ARMC3: variants seen among roughly 807,000 people sequenced by gnomAD.
ARMC3 encodes the protein armadillo repeat-containing protein 3.
Under a neutral mutation model 90.3 loss-of-function variants are expected in ARMC3, and 74 were observed. The ratio of observed to expected loss-of-function variants is 0.82; its 90% CI spans 0.68 to 0.99. ARMC3 has a LOEUF of 0.99. Ranked by LOEUF, ARMC3 falls within the 50% of genes least tolerant of loss-of-function variation. The probability of loss-of-function intolerance (pLI) is 0.00; values close to 1 mark genes in which losing one functional copy is unlikely to be tolerated. For missense variants in ARMC3, 958 were observed against 1,042.8 expected (o/e 0.92, Z 1.12); for synonymous variants, 334 against 361.8 (o/e 0.92, Z 0.87).
chr10:22,976,502 C>A (rs1028062982), intron 8 of ARMC3, among the ~76,000 whole-genome samples: 1 of 152,170 alleles, frequency 6.6e-6, no homozygotes, highest in African/African-American at 2.4e-5. Context: ...CCATCGTTTT[C>A]AAAACACCCC....
intron 16 of ARMC3, among the ~76,000 whole-genome samples, chr10:23,020,201 T>A (rs917628919): frequency 7.2e-5 from 11 of 152,196 alleles, no homozygotes; most frequent in Non-Finnish European, 1.3e-4. Context: ...TGATCTTGGC[T>A]CACTGCAACC....
chr10:22,937,478 G>A (rs1348155171), intron 2 of ARMC3, among the ~76,000 whole-genome samples: 2 of 152,118 alleles, frequency 1.3e-5, no homozygotes, highest in Non-Finnish European at 1.5e-5. Context: ...GTGGGTTGGT[G>A]GAGAAGATGG....
intron 16 of ARMC3, among the ~76,000 whole-genome samples, chr10:23,030,082 A>G (rs1838861415): frequency 1.3e-5 from 2 of 152,128 alleles, no homozygotes; most frequent in African/African-American, 4.8e-5. Context: ...CCAATATATG[A>G]TTTTCATAAT....
intron 16 of ARMC3, among the ~76,000 whole-genome samples, chr10:23,012,270 G>A (rs1038672780): frequency 1.3e-5 from 2 of 152,108 alleles, no homozygotes; most frequent in African/African-American, 2.4e-5. Flanking sequence ...CCATAACTGT[G>A]AAACACTCAC....
chr10:22,952,220 AAAC>A (rs1249737899), intron 3 of ARMC3, among the ~76,000 whole-genome samples: 1 of 152,194 alleles, frequency 6.6e-6, no homozygotes, highest in Non-Finnish European at 1.5e-5. Context: ...ATGAAATAGA[AAAC>A]AAAAAAATTG....
intron 16 of ARMC3, among the ~76,000 whole-genome samples, chr10:23,016,380 G>A (rs1838273564): frequency 6.6e-6 from 1 of 152,180 alleles, no homozygotes; most frequent in Admixed American, 6.6e-5. Flanking sequence ...TTTAGAGCCA[G>A]CCAAATATTC....
chr10:23,009,081 T>C, intron 16 of ARMC3, 150 bp downstream of exon 16: 1 of 666,554 alleles, frequency 1.5e-6, no homozygotes, highest in African/African-American at 1.8e-5. Flanking sequence ...TTTTTGTCTC[T>C]TACCATCTCT....
rs1159728410 is a variant in ARMC3, at chr10:22,968,380, G to C, written c.807G>C (p.Gln269His). 6.2e-7 allele frequency: 1 copy of C among 1,613,984 alleles called. No homozygotes were observed. The highest frequency in any genetic ancestry group is 1.1e-5 in the South Asian group (1 of 91,062). The stretch of plus-strand genomic sequence containing the variant: ...TTGAAGACATGGATACTATGGTGCA[G>C]ATTCAGCAGACAGGGGGTCTTAAAA... Reference protein sequence around the residue: ...NCLEDMDTMVQIQQTGGLKKL... With the variant: ...NCLEDMDTMVHIQQTGGLKKL... Residue 269 changes from glutamine (Q) to histidine (H), a missense_variant, in exon 8 of 19, where the codon CAG becomes CAC. Physicochemically the swap from Gln to His is conservative, Grantham distance 24. Transcript: ENST00000298032.
At chr10:23,025,630 A>G (rs1426909875) in intron 16 of ARMC3, among the ~76,000 whole-genome samples, 3 of 152,090 alleles carry the variant, frequency 2.0e-5, no homozygotes, top group African/African-American at 7.2e-5. Flanking sequence ...CTAAATGCTT[A>G]CATTAGAAAC....
intron 10 of ARMC3, among the ~76,000 whole-genome samples, chr10:22,996,306 T>C (rs190115316): frequency 2.9e-4 from 44 of 152,200 alleles, no homozygotes; most frequent in African/African-American, 1.0e-3. Context: ...GGAGAGAAGA[T>C]GAAAAGTGAA....
At chr10:22,950,350 G>A (rs1262657026) in intron 3 of ARMC3, among the ~76,000 whole-genome samples, 1 of 151,816 alleles carries the variant, frequency 6.6e-6, no homozygotes, top group African/African-American at 2.4e-5. Context: ...ACATAGAAAG[G>A]GAAAAAATGG....
intron 2 of ARMC3, among the ~76,000 whole-genome samples, chr10:22,943,860 G>A (rs1400427532): frequency 2.0e-5 from 3 of 151,886 alleles, no homozygotes; most frequent in Non-Finnish European, 4.4e-5. Flanking sequence ...CTTGAACCCA[G>A]GAGGTGGAGG....
chr10:23,033,784 T>C (rs1343071), intron 18 of ARMC3, among the ~76,000 whole-genome samples: 3,337 of 152,108 alleles, frequency 0.022, 122 homozygotes, highest in African/African-American at 0.077. Context: ...GAGCAAGAAG[T>C]GTGGTTGATC....
intron 8 of ARMC3, among the ~76,000 whole-genome samples, chr10:22,971,574 G>C (rs1835686059): frequency 6.6e-6 from 1 of 151,160 alleles, no homozygotes; most frequent in African/African-American, 2.4e-5. Context: ...CTGAGTAGCT[G>C]GGACTACAGG....
chr10:23,034,217 G>T (rs1839037422), intron 18 of ARMC3, among the ~76,000 whole-genome samples: 1 of 150,192 alleles, frequency 6.7e-6, no homozygotes, highest in South Asian at 2.1e-4. Context: ...CTTCTCTCCT[G>T]TCTTAACTCT....
intron 1 of ARMC3, among the ~76,000 whole-genome samples, chr10:22,930,816 C>G (rs554635394): frequency 6.6e-6 from 1 of 152,260 alleles, no homozygotes; most frequent in Admixed American, 6.5e-5. Context: ...TAAGATTGCT[C>G]CTACGATATA....
At chr10:23,010,978 T>C (rs1423879126) in intron 16 of ARMC3, among the ~76,000 whole-genome samples, 72 of 85,626 alleles carry the variant, frequency 8.4e-4, no homozygotes, top group Non-Finnish European at 1.2e-3. Flanking sequence ...CCCTCTTCTC[T>C]CCTTCCCTTT....
At chr10:22,989,138 C>T (rs1196359256) in intron 10 of ARMC3, among the ~76,000 whole-genome samples, 1 of 152,124 alleles carries the variant, frequency 6.6e-6, no homozygotes, top group African/African-American at 2.4e-5. Flanking sequence ...TTTAATGAAA[C>T]GTACGTTAAT....
intron 10 of ARMC3, among the ~76,000 whole-genome samples, chr10:22,996,281 T>C (rs185210428): frequency 1.3e-5 from 2 of 152,232 alleles, no homozygotes; most frequent in East Asian, 3.9e-4. Context: ...ATGAACGCCA[T>C]GCCAATTAAT....
Sources: gnomAD v4.1 joint callset for allele counts (sites outside exome capture counted in the v4.1 genomes callset) on GRCh38, gnomAD v4.1.1 for gene constraint, MANE v1.5 for transcripts, NCBI Gene and HGNC (gene_info 2026-07-23, HGNC 2026-07-21) for gene names.